The following ZFHX3 variants were observed in gnomAD, a reference collection of about 807,000 sequenced individuals.
ZFHX3 encodes zinc finger homeobox protein 3.
ZFHX3 carries 42 observed loss-of-function variants against 279.1 expected under a neutral mutation model. The observed-to-expected ratio is 0.15, with a 90% CI of 0.12 to 0.19. The LOEUF is 0.19. Ranked by LOEUF, ZFHX3 falls within the 10% of genes least tolerant of loss-of-function variation. The pLI, the probability that ZFHX3 is intolerant of heterozygous loss-of-function variation, is 1.00. For synonymous variants in ZFHX3, 2,293 were observed against 1,957.8 expected (o/e 1.17, Z -4.52); for missense variants, 4,981 against 4,754.0 (o/e 1.05, Z -1.40).
At chr16:72,835,098 C>A (rs2037156965) in intron 4 of ZFHX3, among the ~76,000 whole-genome samples, 1 of 152,154 alleles carries the variant, frequency 6.6e-6, no homozygotes, top group Non-Finnish European at 1.5e-5. Flanking sequence ...AAATAATACA[C>A]CAATCTGTGA....
chr16:73,623,870 T>A (rs74459540), intron 2 of ZFHX3, among the ~76,000 whole-genome samples: 37 of 152,350 alleles, frequency 2.4e-4, no homozygotes, highest in African/African-American at 4.8e-4. Flanking sequence ...CTTAAAATGA[T>A]GTACTACAAT....
intron 5 of ZFHX3, among the ~76,000 whole-genome samples, chr16:73,253,613 G>A (rs901199626): frequency 9.5e-5 from 7 of 73,908 alleles, no homozygotes; most frequent in Admixed American, 2.8e-4. Flanking sequence ...CACCACGCCC[G>A]GCTAATTTTT....
chr16:73,583,671 G>T (rs1170858162), intron 2 of ZFHX3, among the ~76,000 whole-genome samples: 1 of 152,128 alleles, frequency 6.6e-6, no homozygotes, highest in East Asian at 1.9e-4. Context: ...AAATCTTTCT[G>T]GATAGACATG....
chr16:73,254,098 G>C (rs2013593170), intron 5 of ZFHX3, among the ~76,000 whole-genome samples: 2 of 152,140 alleles, frequency 1.3e-5, no homozygotes, highest in Non-Finnish European at 1.5e-5. Context: ...ACTGAGAACA[G>C]TGGGGGTACC....
At chr16:73,158,027 A>T (rs930485331) in intron 5 of ZFHX3, among the ~76,000 whole-genome samples, 1 of 152,190 alleles carries the variant, frequency 6.6e-6, no homozygotes, top group African/African-American at 2.4e-5. Context: ...AAAATGAGAC[A>T]GGAAAGGGAG....
At chr16:73,136,243 T>C (rs1369241019) in intron 6 of ZFHX3, among the ~76,000 whole-genome samples, 5 of 152,210 alleles carry the variant, frequency 3.3e-5, no homozygotes, top group Non-Finnish European at 7.3e-5. Flanking sequence ...TTTATTCCTA[T>C]GTCTTCCACA....
chr16:73,728,456 A>T (rs2053540502), intron 1 of ZFHX3, among the ~76,000 whole-genome samples: 2 of 152,340 alleles, frequency 1.3e-5, no homozygotes, highest in South Asian at 4.1e-4. Context: ...GATAGAGAAT[A>T]GTCCCATCAT....
At chr16:73,705,710 C>T (rs149386702) in intron 1 of ZFHX3, among the ~76,000 whole-genome samples, 1 of 152,138 alleles carries the variant, frequency 6.6e-6, no homozygotes, top group African/African-American at 2.4e-5. Flanking sequence ...ACAATTCCAT[C>T]CACTCTCTTC....
At chr16:72,806,373 A>C (rs927576053) in intron 7 of ZFHX3, among the ~76,000 whole-genome samples, 1 of 152,182 alleles carries the variant, frequency 6.6e-6, no homozygotes, top group African/African-American at 2.4e-5. Flanking sequence ...GTGCGCAGAG[A>C]GGTGAGAACT....
chr16:73,480,015 G>A (rs994560806), intron 2 of ZFHX3, among the ~76,000 whole-genome samples: 4 of 152,098 alleles, frequency 2.6e-5, no homozygotes, highest in African/African-American at 7.2e-5. Context: ...ACCTGATGCC[G>A]GTTTTGTTCT....
intron 2 of ZFHX3, among the ~76,000 whole-genome samples, chr16:73,494,865 G>A (rs1411099186): frequency 6.6e-6 from 1 of 152,068 alleles, no homozygotes; most frequent in Admixed American, 6.5e-5. Flanking sequence ...TCTGCGCCCG[G>A]CAAAACTACG....
At chr16:73,774,770 C>T (rs889019000) in intron 1 of ZFHX3, among the ~76,000 whole-genome samples, 1 of 152,136 alleles carries the variant, frequency 6.6e-6, no homozygotes, top group Non-Finnish European at 1.5e-5. Flanking sequence ...AGTGGTTTTT[C>T]AACTCTAGTA....
chr16:72,838,358 G>A (rs540613044), intron 4 of ZFHX3, among the ~76,000 whole-genome samples: 5 of 152,100 alleles, frequency 3.3e-5, no homozygotes, highest in East Asian at 1.9e-4. Flanking sequence ...CTGCAGCTGC[G>A]TGTTCGGCCC....
intron 3 of ZFHX3, among the ~76,000 whole-genome samples, chr16:73,383,926 G>A (rs1351476738): frequency 1.3e-5 from 2 of 152,184 alleles, no homozygotes; most frequent in African/African-American, 4.8e-5. Context: ...TCTGCCATGT[G>A]GTAGACACTC....
chr16:73,839,588 G>T (rs1436467610), intron 1 of ZFHX3, among the ~76,000 whole-genome samples: 3 of 152,156 alleles, frequency 2.0e-5, no homozygotes, highest in Non-Finnish European at 4.4e-5. Context: ...AGAATAAAAT[G>T]TTCAAGGGGA....
intron 8 of ZFHX3, among the ~76,000 whole-genome samples, chr16:72,799,669 A>G (rs1266473168): frequency 6.6e-6 from 1 of 152,246 alleles, no homozygotes; most frequent in Non-Finnish European, 1.5e-5. Flanking sequence ...TCAACCCACA[A>G]GTCCCTACTA....
intron 1 of ZFHX3, among the ~76,000 whole-genome samples, chr16:73,890,840 G>A (rs1010180260): frequency 3.9e-5 from 6 of 152,042 alleles, no homozygotes; most frequent in South Asian, 2.1e-4. Flanking sequence ...TCACACTAAC[G>A]ATAAGTGTAA....
chr16:73,007,697 G>C (rs957134410), intron 1 of ZFHX3, among the ~76,000 whole-genome samples: 1 of 151,968 alleles, frequency 6.6e-6, no homozygotes, highest in Non-Finnish European at 1.5e-5. Context: ...CACCCGCCGC[G>C]GCCTCCCAAA....
At chr16:73,544,485 T>C (rs1372496746) in intron 2 of ZFHX3, among the ~76,000 whole-genome samples, 1 of 152,118 alleles carries the variant, frequency 6.6e-6, no homozygotes, top group Non-Finnish European at 1.5e-5. Context: ...TGGCTGGCTG[T>C]AAACCCAAAC....
Sources: gnomAD v4.1 joint callset for allele counts (sites outside exome capture counted in the v4.1 genomes callset) on GRCh38, gnomAD v4.1.1 for gene constraint, MANE v1.5 for transcripts, NCBI Gene and HGNC (gene_info 2026-07-23, HGNC 2026-07-21) for gene names.